The following PEAK1 variants were observed in gnomAD, a reference collection of about 807,000 sequenced individuals.
The protein encoded by PEAK1 is inactive tyrosine-protein kinase PEAK1.
In PEAK1, 54 loss-of-function variants were observed where a neutral mutation model predicts 124.7. The observed-to-expected ratio is 0.43, with a 90% CI of 0.35 to 0.54. The LOEUF (loss-of-function observed/expected upper bound fraction) is 0.54, where lower values mean the gene tolerates loss of function less well. Ranked by LOEUF, PEAK1 falls within the 20% of genes least tolerant of loss-of-function variation. The pLI, the probability that PEAK1 is intolerant of heterozygous loss-of-function variation, is 0.01. For missense variants in PEAK1, 2,046 were observed against 2,134.5 expected (o/e 0.96, Z 0.82); for synonymous variants, 719 against 760.0 (o/e 0.95, Z 0.89).
chr15:77,279,505 C>T (rs1408911898), intron 5 of PEAK1, among the ~76,000 whole-genome samples: 3 of 152,228 alleles, frequency 2.0e-5, no homozygotes, highest in Middle Eastern at 6.8e-3. Context: ...GAGATGGAGC[C>T]CCTCAAAGGA....
At chr15:77,349,534 T>C (rs554163693) in intron 2 of PEAK1, 1 of 984,832 alleles carries the variant, frequency 1.0e-6, no homozygotes, top group Middle Eastern at 5.2e-4. Context: ...CTTACTTTTA[T>C]TCTGTTTGTT....
At chr15:77,406,002 G>C (rs12913099) in intron 1 of PEAK1, among the ~76,000 whole-genome samples, 6 of 152,086 alleles carry the variant, frequency 3.9e-5, no homozygotes, top group Non-Finnish European at 8.8e-5. Context: ...CACAAGCTGC[G>C]TTTGTATGGG....
intron 9 of PEAK1, among the ~76,000 whole-genome samples, chr15:77,116,631 T>A (rs1261905837): frequency 6.6e-6 from 1 of 152,048 alleles, no homozygotes; most frequent in African/African-American, 2.4e-5. Context: ...TTTCTCTTAT[T>A]CTCTAGTTTA....
At chr15:77,323,119 G>T (rs1276340577) in intron 2 of PEAK1, among the ~76,000 whole-genome samples, 3 of 152,146 alleles carry the variant, frequency 2.0e-5, no homozygotes. Context: ...ATTAGGTATT[G>T]ATGGGACGTA....
intron 1 of PEAK1, chr15:77,371,434 C>T (rs541531470): frequency 1.0e-6 from 1 of 981,716 alleles, no homozygotes. Context: ...ATTTCAAAAC[C>T]ATCTTTGAAG....
At chr15:77,349,467 T>C (rs1042277909) in intron 2 of PEAK1, 1 of 984,684 alleles carries the variant, frequency 1.0e-6, no homozygotes, top group Non-Finnish European at 1.2e-6. Flanking sequence ...CAAAGACACA[T>C]TTTTAGGCCT....
rs191876665 is a variant in PEAK1 at position 77,325,332 on chromosome 15, C to T, written c.-602-38828G>A. ...GGCTGAGGTGGGAGGACAGCTTGAG[C>T]CTGAGTGGTAGGCTACAGTGAGCTT... On this transcript the variant is annotated intron_variant, in intron 2 of 9. Transcript: ENST00000682557. Among the ~76,000 whole-genome samples, 98 of 152,000 alleles carry T rather than the reference C, an allele frequency of 6.4e-4. 1 individual carries two copies. Among genetic ancestry groups the T allele is most frequent in the African/African-American group, 2.3e-3 (97 of 41,438 alleles).
intron 6 of PEAK1, among the ~76,000 whole-genome samples, chr15:77,200,357 G>C (rs1427970103): frequency 1.3e-5 from 2 of 152,088 alleles, no homozygotes; most frequent in East Asian, 3.8e-4. Context: ...GGTCAACAGT[G>C]GTCAGGTTTT....
chr15:77,209,397 C>A (rs2058807541), intron 6 of PEAK1, among the ~76,000 whole-genome samples: 1 of 152,062 alleles, frequency 6.6e-6, no homozygotes, highest in African/African-American at 2.4e-5. Context: ...AACTATCAAA[C>A]AAGCTAACAG....
At chr15:77,151,225 T>C (rs1309846622) in intron 8 of PEAK1, among the ~76,000 whole-genome samples, 1 of 151,090 alleles carries the variant, frequency 6.6e-6, no homozygotes, top group Non-Finnish European at 1.5e-5. Context: ...TGAGATGGTA[T>C]CTCATTGCAG....
chr15:77,243,080 T>C (rs909590157), intron 6 of PEAK1, among the ~76,000 whole-genome samples: 2 of 152,214 alleles, frequency 1.3e-5, no homozygotes, highest in Non-Finnish European at 2.9e-5. Context: ...AAAGTCACAA[T>C]GGGATTGTGC....
intron 9 of PEAK1, among the ~76,000 whole-genome samples, chr15:77,129,788 T>A (rs2052703021): frequency 6.6e-6 from 1 of 152,076 alleles, no homozygotes; most frequent in Non-Finnish European, 1.5e-5. Context: ...GAACTTTTAG[T>A]CTCTTTAAGA....
chr15:77,410,405 G>A (rs552241465), intron 1 of PEAK1, among the ~76,000 whole-genome samples: 3 of 152,306 alleles, frequency 2.0e-5, no homozygotes, highest in Non-Finnish European at 2.9e-5. Context: ...GATTACAGGT[G>A]TGAGCCATCG....
Position 77,114,574 on chromosome 15 carries a change from G to C in PEAK1, c.4823C>G (p.Pro1608Arg). The change falls in exon 10 of 10, where the codon CCC (proline) becomes CGC (arginine). Residue 1608 changes from proline to arginine, a missense_variant. Physicochemically the swap from Pro to Arg is moderately radical, Grantham distance 103. Transcript: ENST00000682557. ...LIYEMLHLPNPFDENPELKER... is the reference protein window; with the variant it reads ...LIYEMLHLPNRFDENPELKER... Reference sequence around the variant, plus strand: ...CTTCAGCTCTGGGTTCTCATCAAAGGGGTTGGGTAGGTGCAGCATCTCATA... The same window carrying C: ...CTTCAGCTCTGGGTTCTCATCAAAGCGGTTGGGTAGGTGCAGCATCTCATA... 1 of 1,614,096 alleles carries C rather than the reference G, an allele frequency of 6.2e-7. No individual in the cohort carries two copies. Among genetic ancestry groups the C allele is most frequent in the Non-Finnish European group, 8.5e-7 (1 of 1,180,000 alleles).
At chr15:77,406,754 T>C (rs981451309) in intron 1 of PEAK1, among the ~76,000 whole-genome samples, 1 of 152,062 alleles carries the variant, frequency 6.6e-6, no homozygotes, top group Admixed American at 6.6e-5. Context: ...ACCACCATCA[T>C]TCTTCATAGA....
intron 6 of PEAK1, among the ~76,000 whole-genome samples, chr15:77,250,211 G>GTATA (rs1306287250): frequency 1.5e-4 from 20 of 131,538 alleles, no homozygotes; most frequent in African/African-American, 2.0e-4. Flanking sequence ...ACATATATAT[G>GTATA]TATATATATA....
chr15:77,117,164 T>C (rs55793412), intron 9 of PEAK1, among the ~76,000 whole-genome samples: 9,923 of 152,228 alleles, frequency 0.065, 451 homozygotes, highest in Middle Eastern at 0.14. Context: ...AGCTCAAGGG[T>C]CTCAACTCTT....
intron 2 of PEAK1, among the ~76,000 whole-genome samples, chr15:77,309,248 T>G (rs1477494527): frequency 6.6e-6 from 1 of 152,008 alleles, no homozygotes; most frequent in Non-Finnish European, 1.5e-5. Flanking sequence ...AGAGAAACCT[T>G]AGAAACCCCT....
chr15:77,402,168 G>GAAA (rs34571341), intron 1 of PEAK1: 452 of 862,364 alleles, frequency 5.2e-4, no homozygotes, highest in South Asian at 1.3e-3. Flanking sequence ...CTCCACCTCG[G>GAAA]AAAAAAAAAA....
Sources: allele counts gnomAD v4.1 joint callset (sites outside exome capture counted in the v4.1 genomes callset), GRCh38; gene constraint gnomAD v4.1.1; transcripts MANE v1.5; gene names NCBI Gene and HGNC (gene_info 2026-07-23, HGNC 2026-07-21).